The following LMLN variants were observed in gnomAD, a reference collection of about 807,000 sequenced individuals.
LMLN encodes leishmanolysin like peptidase.
LMLN carries 70 observed loss-of-function variants against 92.3 expected under a neutral mutation model. The observed-to-expected ratio is 0.76, with a 90% CI of 0.63 to 0.92. The LOEUF is 0.92. Ranked by LOEUF, LMLN falls within the 40% of genes least tolerant of loss-of-function variation. LMLN has a pLI of 0.00. For missense variants in LMLN, 691 were observed against 814.6 expected (o/e 0.85, Z 1.85); for synonymous variants, 308 against 296.2 (o/e 1.04, Z -0.41).
At chr3:197,980,732 C>A in intron 6 of LMLN, 1 of 397,110 alleles carries the variant, frequency 2.5e-6, no homozygotes, top group Non-Finnish European at 4.5e-6. Context: ...AAAAGTGAAG[C>A]ACTTCGTTTG....
chr3:197,981,226 G>A (rs1218044882), intron 6 of LMLN, among the ~76,000 whole-genome samples: 1 of 151,946 alleles, frequency 6.6e-6, no homozygotes. Flanking sequence ...GCAAAAATTA[G>A]CCAGGAGTGG....
Position 197,985,891 on chromosome 3 carries a change from G to C in LMLN, c.929+1G>C. ...ATGGCCTCCCACCTTTTAATTATAG[G>C]TATTTTTGTTGTTGTTGCTCTTGTT... On this transcript the variant is annotated splice_donor_variant, in intron 8 of 15. Transcript: ENST00000330198. LOFTEE classifies it high-confidence loss of function. 1 of 1,581,672 alleles carries C rather than the reference G, an allele frequency of 6.3e-7. No individual in the cohort carries two copies. Among genetic ancestry groups the C allele is most frequent in the Non-Finnish European group, 8.7e-7 (1 of 1,151,244 alleles).
At chr3:197,975,934 GC>G (rs1721364832) in intron 3 of LMLN, 94 bp from the exon 4 acceptor site, 1 of 723,790 alleles carries the variant, frequency 1.4e-6, no homozygotes, top group Non-Finnish European at 2.3e-6. Context: ...GAATTATAAA[GC>G]TTTTTTTCAT....
intron 11 of LMLN, among the ~76,000 whole-genome samples, chr3:198,018,710 A>G (rs750501979): frequency 4.6e-5 from 7 of 152,176 alleles, no homozygotes; most frequent in Non-Finnish European, 8.8e-5. Context: ...TTCGATTACA[A>G]TTTGTTAGAC....
At chr3:197,967,656 G>C (rs1314156424) in intron 1 of LMLN, among the ~76,000 whole-genome samples, 1 of 152,156 alleles carries the variant, frequency 6.6e-6, no homozygotes, top group African/African-American at 2.4e-5. Flanking sequence ...CAGAAAACAG[G>C]GTTTGAGAGC....
intron 11 of LMLN, among the ~76,000 whole-genome samples, chr3:198,017,994 G>C (rs1246718059): frequency 6.6e-6 from 1 of 152,116 alleles, no homozygotes; most frequent in Non-Finnish European, 1.5e-5. Flanking sequence ...TACCATATTG[G>C]GCAGCACAGA....
At chr3:197,991,289 A>G (rs769834621) in intron 9 of LMLN, among the ~76,000 whole-genome samples, 1 of 151,554 alleles carries the variant, frequency 6.6e-6, no homozygotes, top group Non-Finnish European at 1.5e-5. Flanking sequence ...ATTTTTTTGT[A>G]GTGATGAGGT....
At chr3:197,962,658 C>T (rs995730782) in intron 1 of LMLN, among the ~76,000 whole-genome samples, 7 of 152,054 alleles carry the variant, frequency 4.6e-5, no homozygotes, top group Non-Finnish European at 7.3e-5. Flanking sequence ...CTTTAAATAC[C>T]CCCTAGGTCA....
At chr3:198,034,959 C>G (rs1214813180) in intron 14 of LMLN, among the ~76,000 whole-genome samples, 2 of 152,120 alleles carry the variant, frequency 1.3e-5, no homozygotes, top group African/African-American at 4.8e-5. Context: ...CTTTGGGAGG[C>G]CAGGGTGGGT....
At chr3:197,979,539 T>C (rs1344587946) in intron 5 of LMLN, among the ~76,000 whole-genome samples, 2 of 151,984 alleles carry the variant, frequency 1.3e-5, no homozygotes, top group African/African-American at 4.8e-5. Context: ...ATTTTTAGGC[T>C]GGGTGCAGTG....
At chr3:197,983,916 T>C (rs1721627530) in intron 6 of LMLN, 27 bp from the exon 7 acceptor site, 1 of 1,416,338 alleles carries the variant, frequency 7.1e-7, no homozygotes, top group African/African-American at 1.4e-5. Flanking sequence ...GGAATGTAAT[T>C]TAAAAATTCA....
At chr3:197,992,648 T>G (rs74689913) in intron 9 of LMLN, among the ~76,000 whole-genome samples, 152 of 152,276 alleles carry the variant, frequency 1.0e-3, no homozygotes, top group African/African-American at 3.6e-3. Context: ...GTAATAAAAG[T>G]CTGCCATCAA....
chr3:197,967,869 G>T (rs369601996), intron 1 of LMLN, among the ~76,000 whole-genome samples: 2 of 152,172 alleles, frequency 1.3e-5, no homozygotes, highest in South Asian at 4.1e-4. Context: ...GCTGGGAAAA[G>T]AATTTAGCGA....
At chr3:198,017,677 G>C (rs1560151927) in intron 11 of LMLN, among the ~76,000 whole-genome samples, 2 of 152,140 alleles carry the variant, frequency 1.3e-5, no homozygotes, top group South Asian at 2.1e-4. Context: ...CCAGCACTTT[G>C]GGAGGCAGAG....
In LMLN at chr3:197,996,301, T is replaced by G. The variant is rs1252406183; in HGVS notation, c.1155+19T>G. On this transcript the variant is annotated intron_variant, in intron 10 of 15. Coordinates refer to ENST00000330198, the Ensembl canonical transcript of LMLN. ...ATTAGAGGTCAGTTTGTTTTTAAAT[T>G]TTCCTAGACTTTATTTAATGAAAAT... The G allele has an allele frequency of 7.4e-7, 1 of 1,356,286 alleles. No individual in the cohort carries two copies. Among genetic ancestry groups the G allele is most frequent in the Non-Finnish European group, 1.0e-6 (1 of 973,498 alleles). The allele number at this position is 1,356,286 out of a possible 1,614,324, so 84.0% of individuals were successfully genotyped here.
At chr3:197,990,583 T>C in exon 9 of LMLN, 2 of 1,560,012 alleles carry the variant, frequency 1.3e-6, no homozygotes, top group Non-Finnish European at 1.8e-6. Flanking sequence ...AATGGAGTGA[T>C]AAAGTAGTTC....
chr3:197,979,654 A>G (rs964590801), intron 5 of LMLN, among the ~76,000 whole-genome samples: 9 of 152,268 alleles, frequency 5.9e-5, no homozygotes, highest in African/African-American at 2.2e-4. Context: ...TGTCTCTACT[A>G]AAAATATAAA....
intron 1 of LMLN, among the ~76,000 whole-genome samples, chr3:197,962,910 G>A (rs913519207): frequency 2.6e-5 from 4 of 152,028 alleles, no homozygotes; most frequent in South Asian, 2.1e-4. Flanking sequence ...CTATTTTAAG[G>A]CTTTTATATT....
intron 11 of LMLN, among the ~76,000 whole-genome samples, chr3:198,012,295 C>T (rs963931480): frequency 1.3e-5 from 2 of 152,182 alleles, no homozygotes; most frequent in Admixed American, 6.5e-5. Flanking sequence ...GAACTGCTGA[C>T]CTCAGCTGAT....
Sources: gnomAD v4.1 joint callset for allele counts (sites outside exome capture counted in the v4.1 genomes callset) on GRCh38, gnomAD v4.1.1 for gene constraint, MANE v1.5 for transcripts, NCBI Gene and HGNC (gene_info 2026-07-23, HGNC 2026-07-21) for gene names.